The following UVRAG variants were observed in gnomAD, a reference collection of about 807,000 sequenced individuals.
UVRAG encodes the protein UV radiation resistance-associated gene protein.
In UVRAG, 19 loss-of-function variants were observed where a neutral mutation model predicts 78.0. The observed-to-expected ratio is 0.24, with a 90% CI of 0.17 to 0.36. The LOEUF is 0.36. Ranked by LOEUF, UVRAG falls within the 10% of genes least tolerant of loss-of-function variation. UVRAG has a pLI of 1.00. For synonymous variants in UVRAG, 323 were observed against 324.6 expected, an observed-to-expected ratio of 1.00 and a Z score of 0.05; for missense variants, 740 against 853.8, an observed-to-expected ratio of 0.87 and a Z score of 1.66.
At chr11:76,099,392 T>G (rs780207436) in intron 13 of UVRAG, among the ~76,000 whole-genome samples, 1 of 152,204 alleles carries the variant, frequency 6.6e-6, no homozygotes, top group Non-Finnish European at 1.5e-5. Context: ...AGGGTTCTTA[T>G]GATAATTGAA....
At chr11:75,834,641 T>C (rs965862919) in intron 1 of UVRAG, among the ~76,000 whole-genome samples, 1 of 152,142 alleles carries the variant, frequency 6.6e-6, no homozygotes, top group East Asian at 1.9e-4. Flanking sequence ...GGTGAAACCC[T>C]GTCTGTACTA....
chr11:76,075,146 G>C (rs890073843), intron 13 of UVRAG, among the ~76,000 whole-genome samples: 47 of 151,952 alleles, frequency 3.1e-4, no homozygotes, highest in African/African-American at 1.1e-3. Flanking sequence ...ATAATTCTTG[G>C]AATCAAAAAT....
chr11:75,822,663 GT>G (rs534019074), intron 1 of UVRAG, among the ~76,000 whole-genome samples: 531 of 137,120 alleles, frequency 3.9e-3, no homozygotes, highest in African/African-American at 5.7e-3. Flanking sequence ...TGCACTTACT[GT>G]TTTTTTTTTT....
chr11:76,098,428 G>A (rs1283213734), intron 13 of UVRAG, among the ~76,000 whole-genome samples: 3 of 152,106 alleles, frequency 2.0e-5, no homozygotes, highest in East Asian at 1.9e-4. Flanking sequence ...AGAGTAACTC[G>A]CAAACCTAGA....
intron 1 of UVRAG, among the ~76,000 whole-genome samples, chr11:75,850,941 T>C (rs942965484): frequency 4.6e-5 from 7 of 152,242 alleles, no homozygotes; most frequent in Non-Finnish European, 1.0e-4. Context: ...ACCTGGGCTC[T>C]TTTGGCTGAC....
chr11:75,905,619 C>T (rs1316004378), intron 5 of UVRAG, among the ~76,000 whole-genome samples: 1 of 152,146 alleles, frequency 6.6e-6, no homozygotes, highest in Admixed American at 6.5e-5. Flanking sequence ...AAGGAATGTA[C>T]TTCATTCCTT....
intron 2 of UVRAG, among the ~76,000 whole-genome samples, chr11:75,859,619 T>C (rs186886227): frequency 6.6e-6 from 1 of 152,268 alleles, no homozygotes; most frequent in Non-Finnish European, 1.5e-5. Context: ...ATGAAGAAAT[T>C]GTGGGCCATA....
intron 12 of UVRAG, among the ~76,000 whole-genome samples, chr11:76,025,179 T>C (rs1180505666): frequency 6.6e-6 from 1 of 152,216 alleles, no homozygotes; most frequent in Non-Finnish European, 1.5e-5. Context: ...TGCGTTTCAC[T>C]GTGAGGCTCA....
intron 7 of UVRAG, among the ~76,000 whole-genome samples, chr11:75,964,273 A>G (rs1258523204): frequency 2.0e-5 from 3 of 152,194 alleles, no homozygotes; most frequent in Non-Finnish European, 4.4e-5. Flanking sequence ...ACTTTTGGGA[A>G]GTGTTTTCTC....
At chr11:75,892,307 GA>G in intron 5 of UVRAG, 1 of 985,352 alleles carries the variant, frequency 1.0e-6, no homozygotes, top group Non-Finnish European at 1.2e-6. Flanking sequence ...AGGACACAGA[GA>G]AACTGCAGAT....
intron 6 of UVRAG, among the ~76,000 whole-genome samples, chr11:75,929,776 A>C (rs886899117): frequency 1.3e-5 from 2 of 152,278 alleles, no homozygotes; most frequent in African/African-American, 4.8e-5. Flanking sequence ...GCAGGTGTTA[A>C]ATTTATAAGG....
At chr11:75,990,483 G>GT (rs1228744787) in intron 8 of UVRAG, among the ~76,000 whole-genome samples, 3 of 152,136 alleles carry the variant, frequency 2.0e-5, no homozygotes, top group Non-Finnish European at 4.4e-5. Context: ...AACACCATCT[G>GT]TTTTATTCCT....
At chr11:75,970,232 AAG>A (rs1949098181) in intron 7 of UVRAG, among the ~76,000 whole-genome samples, 1 of 152,214 alleles carries the variant, frequency 6.6e-6, no homozygotes, top group Non-Finnish European at 1.5e-5. Context: ...TGGAGAAAAA[AAG>A]AGGCTGAGTA....
At chr11:75,906,819 A>G (rs1947626068) in intron 5 of UVRAG, among the ~76,000 whole-genome samples, 1 of 152,216 alleles carries the variant, frequency 6.6e-6, no homozygotes, top group Non-Finnish European at 1.5e-5. Context: ...TTTGCTGAAA[A>G]TCAGTTGATC....
intron 12 of UVRAG, among the ~76,000 whole-genome samples, chr11:76,047,030 A>G (rs1021727144): frequency 2.6e-5 from 4 of 152,334 alleles, no homozygotes; most frequent in African/African-American, 9.6e-5. Context: ...AGTCTTTGCA[A>G]ACTAACAATA....
At chr11:75,852,946 T>G (rs1946188623) in intron 2 of UVRAG, among the ~76,000 whole-genome samples, 1 of 152,216 alleles carries the variant, frequency 6.6e-6, no homozygotes, top group African/African-American at 2.4e-5. Context: ...GATCTCACCC[T>G]GTCAGCCAGG....
chr11:75,959,488 C>T (rs906735540), intron 6 of UVRAG, among the ~76,000 whole-genome samples: 2 of 152,198 alleles, frequency 1.3e-5, no homozygotes, highest in Non-Finnish European at 2.9e-5. Context: ...GCTTCCTTAC[C>T]TCTCTCAGCC....
chr11:75,889,158 A>T (rs1169919600), intron 5 of UVRAG, among the ~76,000 whole-genome samples: 1 of 152,212 alleles, frequency 6.6e-6, no homozygotes, highest in African/African-American at 2.4e-5. Context: ...GTTTTCTCTT[A>T]TTCTACATAA....
Position 75,983,410 on chromosome 11 carries a change from G to T in UVRAG, c.723G>T (p.Gln241His). 1 of 1,601,318 alleles carries T rather than the reference G, an allele frequency of 6.2e-7. No individual in the cohort carries two copies. The highest frequency in any genetic ancestry group is 8.5e-7 in the Non-Finnish European group (1 of 1,174,274). Residue 241 changes from glutamine to histidine, a missense_variant, in exon 8 of 15, where the codon CAG (glutamine) becomes CAT (histidine). Coordinates refer to ENST00000356136, the MANE Select transcript of UVRAG (RefSeq NM_003369.4). ...NELKKKSECL[Q>H]LKILVLQNEL... ...AGAAAAAAAAAAGTGAATGCCTGCA[G>T]TTAAAAATTTTGGTGCTTCAGAATG...
Sources: allele counts gnomAD v4.1 joint callset (sites outside exome capture counted in the v4.1 genomes callset), GRCh38; gene constraint gnomAD v4.1.1; transcripts MANE v1.5; gene names NCBI Gene and HGNC (gene_info 2026-07-23, HGNC 2026-07-21).